Variants in FSIP2 observed in about 807,000 individuals in gnomAD.
FSIP2 encodes fibrous sheath-interacting protein 2.
A neutral mutation model predicts 510.5 loss-of-function variants in FSIP2; 367 were observed. That is an observed-to-expected ratio of 0.72 (90% CI 0.66 to 0.78). FSIP2 has a LOEUF of 0.78. Ranked by LOEUF, FSIP2 falls within the 30% of genes least tolerant of loss-of-function variation. The pLI, the probability that FSIP2 is intolerant of heterozygous loss-of-function variation, is 0.00. For synonymous variants in FSIP2, 2,601 were observed against 2,732.2 expected (o/e 0.95, Z 1.50); for missense variants, 7,594 against 7,901.7 (o/e 0.96, Z 1.48).
intron 9 of FSIP2, among the ~76,000 whole-genome samples, chr2:185,759,753 C>T (rs866561638): frequency 1.7e-4 from 26 of 149,126 alleles, no homozygotes; most frequent in African/African-American, 4.6e-4. Flanking sequence ...TATTATAATG[C>T]CTTGTATATT....
chr2:185,772,045 C>T (rs1460179521), intron 13 of FSIP2, among the ~76,000 whole-genome samples: 1 of 152,196 alleles, frequency 6.6e-6, no homozygotes, highest in Non-Finnish European at 1.5e-5. Flanking sequence ...TGCAGTCAAG[C>T]TCTTTGCTAA....
Position 185,813,964 on chromosome 2 carries a change from T to C in FSIP2, c.20247T>C (p.Val6749=), listed in dbSNP as rs1039719561. 6.2e-7 allele frequency: 1 copy of C among 1,613,408 alleles called. No homozygotes were observed. The highest frequency in any genetic ancestry group is 8.5e-7 in the Non-Finnish European group (1 of 1,179,674). The change falls in exon 18 of 23, where the codon GTT becomes GTC. Residue 6749 remains valine (V), a synonymous_variant. Transcript: ENST00000424728. ...ESKETHVKRA[V]AELDMATPKT... is the part of the protein sequence containing the mutation. Reference sequence around the variant, plus strand: ...AGGAGACACATGTTAAAAGAGCTGTTGCTGAGCTTGACATGGCCACACCAA... The same window carrying C: ...AGGAGACACATGTTAAAAGAGCTGTCGCTGAGCTTGACATGGCCACACCAA...
intron 9 of FSIP2, among the ~76,000 whole-genome samples, chr2:185,756,881 T>G (rs902703932): frequency 6.6e-6 from 1 of 151,378 alleles, no homozygotes; most frequent in Non-Finnish European, 1.5e-5. Flanking sequence ...CCTTATTGGT[T>G]AAAAAATAAA....
intron 21 of FSIP2, among the ~76,000 whole-genome samples, chr2:185,830,658 T>G (rs1694092387): frequency 6.6e-6 from 1 of 151,922 alleles, no homozygotes; most frequent in South Asian, 2.1e-4. Context: ...ACAAGAACAA[T>G]AAGTCTATAC....
chr2:185,746,709 C>G lies in FSIP2; in HGVS notation c.658C>G (p.Arg220Gly), dbSNP rs761028361. The G allele has an allele frequency of 1.1e-5, 17 of 1,528,536 alleles. No individual in the cohort carries two copies. Among genetic ancestry groups the G allele is most frequent in the Non-Finnish European group, 9.6e-6 (11 of 1,143,314 alleles). 94.7% of individuals were successfully genotyped at this position (1,528,536 alleles called of 1,614,324 possible). ...MISRKLEQLE[R>G]TAEEQRLFLM... Reference sequence around the variant, plus strand: ...AAGTAGAAAACTAGAACAACTTGAACGCACAGCAGAAGAACAACGCCTATT... The same window carrying G: ...AAGTAGAAAACTAGAACAACTTGAAGGCACAGCAGAAGAACAACGCCTATT... Residue 220 changes from arginine to glycine, a missense_variant, in exon 6 of 23, where the codon CGC (arginine) becomes GGC (glycine). Coordinates refer to ENST00000424728, the MANE Select transcript of FSIP2 (RefSeq NM_173651.4).
At chr2:185,753,656 A>G (rs1417340405) in intron 7 of FSIP2, 66 bp from the exon 8 acceptor site, 1 of 707,464 alleles carries the variant, frequency 1.4e-6, no homozygotes, top group African/African-American at 1.9e-5. Context: ...CACATTTTAA[A>G]TGATTTGTTT....
chr2:185,759,730 C>T (rs938800002), intron 9 of FSIP2, among the ~76,000 whole-genome samples: 17 of 147,788 alleles, frequency 1.2e-4, no homozygotes, highest in East Asian at 2.0e-4. Context: ...GGGAATTGAA[C>T]GAATTTTTAA....
Position 185,791,876 on chromosome 2 carries a change from T to C in FSIP2, c.4740T>C (p.Ala1580=). The change falls in exon 16 of 23, where the codon GCT becomes GCC. Residue 1580 remains alanine, a synonymous_variant. Coordinates refer to ENST00000424728, the MANE Select transcript of FSIP2 (RefSeq NM_173651.4). ...TKEMHPNKLK[A]VASDILNMVF... ...AAATGCATCCAAATAAACTAAAAGC[T>C]GTAGCTTCAGATATTCTTAATATGG... The C allele has an allele frequency of 6.5e-7, 1 of 1,534,032 alleles. No homozygotes were observed. The highest frequency in any genetic ancestry group is 8.7e-7 in the Non-Finnish European group (1 of 1,145,528).
rs1262262816 is a variant in FSIP2, at chr2:185,793,887, A to G, written c.6751A>G (p.Asn2251Asp). The G allele has an allele frequency of 5.2e-6, 8 of 1,530,340 alleles. No individual in the cohort carries two copies. Among genetic ancestry groups the G allele is most frequent in the Non-Finnish European group, 7.0e-6 (8 of 1,144,030 alleles). 94.8% of individuals were successfully genotyped at this position (1,530,340 alleles called of 1,614,324 possible). A position where few individuals can be genotyped will look rare whatever the true frequency, so the allele number is the denominator to read the frequency against. The change falls in exon 16 of 23, where the codon AAC becomes GAC. Residue 2251 changes from asparagine to aspartate, a missense_variant. Physicochemically the swap from Asn to Asp is conservative, Grantham distance 23. Transcript: ENST00000424728. Reference protein sequence around the residue: ...SATDSCEENANFITKTIFKRL... With the variant: ...SATDSCEENADFITKTIFKRL... ...TACTGACTCATGTGAGGAAAATGCT[A>G]ACTTCATTACTAAAACTATTTTTAA...
At chr2:185,833,008 T>A in intron 22 of FSIP2, 82 bp from the exon 23 acceptor site, 1 of 1,227,316 alleles carries the variant, frequency 8.1e-7, no homozygotes, top group South Asian at 1.3e-5. Flanking sequence ...GGCCACCTTT[T>A]ACTCATATGA....
At chr2:185,763,973 C>T (rs111305270) in intron 12 of FSIP2, among the ~76,000 whole-genome samples, 58 of 151,704 alleles carry the variant, frequency 3.8e-4, no homozygotes, top group African/African-American at 1.4e-3. Flanking sequence ...GTTTAGTTCA[C>T]TGTTCTACCA....
intron 12 of FSIP2, among the ~76,000 whole-genome samples, chr2:185,764,047 G>T (rs1184264964): frequency 6.6e-6 from 1 of 151,080 alleles, no homozygotes; most frequent in Non-Finnish European, 1.5e-5. Context: ...TTGACATTGG[G>T]TGTCATATTG....
chr2:185,788,659 T>C lies in FSIP2; in HGVS notation c.1523T>C (p.Leu508Pro), dbSNP rs1693043126. ...CCTTTCCAGGTAACTTCTGAAGAAC[T>C]GAATATTATAATTCAGAATGTAATG... ...CLQEKVTSEE[L>P]NIIIQNVMTW... The change falls in exon 16 of 23, where the codon CTG (leucine) becomes CCG (proline). Residue 508 changes from leucine to proline, a missense_variant. Physicochemically the swap from Leu to Pro is moderately conservative, Grantham distance 98. Coordinates refer to ENST00000424728, the MANE Select transcript of FSIP2 (RefSeq NM_173651.4). 1 of 1,505,910 alleles carries C rather than the reference T, an allele frequency of 6.6e-7. No homozygotes were observed. The highest frequency in any genetic ancestry group is 2.2e-5 in the Admixed American group (1 of 45,138). 93.3% of individuals were successfully genotyped at this position (1,505,910 alleles called of 1,614,324 possible).
At position 185,790,948 on chromosome 2, in the gene FSIP2, T is replaced by C; in HGVS notation, c.3812T>C (p.Leu1271Pro). The change falls in exon 16 of 23, where the codon CTG (leucine) becomes CCG (proline). Residue 1271 changes from leucine (L) to proline (P), a missense_variant. By Grantham distance (98) the Leu-to-Pro change is moderately conservative. Transcript: ENST00000424728. ...DKIIRTIFKR[L>P]KSFICPKLHM... ...ATCATTCGTACAATTTTTAAAAGACTGAAGTCATTTATTTGTCCAAAATTG... is the reference window on the plus strand; with the variant it reads ...ATCATTCGTACAATTTTTAAAAGACCGAAGTCATTTATTTGTCCAAAATTG... 1 of 1,525,716 alleles carries C rather than the reference T, an allele frequency of 6.6e-7. No individual in the cohort carries two copies. Among genetic ancestry groups the C allele is most frequent in the Non-Finnish European group, 8.7e-7 (1 of 1,143,072 alleles). The allele number at this position is 1,525,716 out of a possible 1,614,324, so 94.5% of individuals were successfully genotyped here. A position where few individuals can be genotyped will look rare whatever the true frequency, so the allele number is the denominator to read the frequency against.
chr2:185,799,841 C>G lies in FSIP2; in HGVS notation c.10535C>G (p.Ser3512Trp). Residue 3512 changes from serine to tryptophan, a missense_variant, in exon 17 of 23, where the codon TCG becomes TGG. By Grantham distance (177) the Ser-to-Trp change is radical. Transcript: ENST00000424728. ...GAGTCAGTACTTTACCATTTAACTT[C>G]GAGCATTTCTGATGGCACCAAAAAG... ...LTESVLYHLTSSISDGTKKGR... is the reference protein window; with the variant it reads ...LTESVLYHLTWSISDGTKKGR... The G allele has an allele frequency of 6.5e-7, 1 of 1,532,450 alleles. No individual in the cohort carries two copies. The highest frequency in any genetic ancestry group is 8.7e-7 in the Non-Finnish European group (1 of 1,144,476). The allele number at this position is 1,532,450 out of a possible 1,614,324, so 94.9% of individuals were successfully genotyped here. A position where few individuals can be genotyped will look rare whatever the true frequency, so the allele number is the denominator to read the frequency against.
rs758019230 is a variant in FSIP2 at position 185,790,922 on chromosome 2, G to C, written c.3786G>C (p.Lys1262Asn). ...AACCTGTAGATGACATTAATGATAA[G>C]ATCATTCGTACAATTTTTAAAAGAC... ...EPKPVDDIND[K>N]IIRTIFKRLK... Residue 1262 changes from lysine to asparagine, a missense_variant, in exon 16 of 23, where the codon AAG (lysine) becomes AAC (asparagine). By Grantham distance (94) the Lys-to-Asn change is moderately conservative. Coordinates refer to ENST00000424728, the MANE Select transcript of FSIP2 (RefSeq NM_173651.4). 2 of 1,525,140 alleles carry C rather than the reference G, an allele frequency of 1.3e-6. No homozygotes were observed. Among genetic ancestry groups the C allele is most frequent in the Admixed American group, 4.1e-5 (2 of 48,898 alleles). 94.5% of individuals were successfully genotyped at this position (1,525,140 alleles called of 1,614,324 possible).
At chr2:185,783,303 A>G (rs1479625914) in intron 14 of FSIP2, among the ~76,000 whole-genome samples, 1 of 152,170 alleles carries the variant, frequency 6.6e-6, no homozygotes, top group East Asian at 1.9e-4. Flanking sequence ...GTGACCACCT[A>G]TTTTGTTGAT....
chr2:185,745,346 T>C (rs1317125364), intron 4 of FSIP2, 83 bp from the exon 5 acceptor site: 1 of 829,672 alleles, frequency 1.2e-6, no homozygotes, highest in African/African-American at 1.8e-5. Context: ...TAAGCATTTA[T>C]AAAATATATA....
chr2:185,764,637 T>A, intron 13 of FSIP2, 72 bp downstream of exon 13: 1 of 1,100,440 alleles, frequency 9.1e-7, no homozygotes, highest in Admixed American at 2.1e-5. Flanking sequence ...TTACTGAGTT[T>A]TTGCTTCATG....
Sources: gnomAD v4.1 joint callset for allele counts (sites outside exome capture counted in the v4.1 genomes callset) on GRCh38, gnomAD v4.1.1 for gene constraint, MANE v1.5 for transcripts, NCBI Gene and HGNC (gene_info 2026-07-23, HGNC 2026-07-21) for gene names.